Variants in CSN2 observed in about 807,000 individuals in gnomAD.
The protein encoded by CSN2 is casein beta, also known as beta-casein.
A neutral mutation model predicts 27.3 loss-of-function variants in CSN2; 27 were observed. The ratio of observed to expected loss-of-function variants is 0.99; its 90% CI spans 0.73 to 1.36. CSN2 has a LOEUF of 1.36. CSN2 is among the 40% of genes most tolerant of loss of function. The pLI, the probability that CSN2 is intolerant of heterozygous loss-of-function variation, is 0.00. For missense variants in CSN2, 333 were observed against 264.5 expected, an observed-to-expected ratio of 1.26 and a Z score of -1.80; for synonymous variants, 131 against 94.8, an observed-to-expected ratio of 1.38 and a Z score of -2.22.
intron 5 of CSN2, among the ~76,000 whole-genome samples, chr4:69,958,309 C>A (rs2109742998): frequency 6.6e-6 from 1 of 152,198 alleles, no homozygotes; most frequent in African/African-American, 2.4e-5. Flanking sequence ...TTAACACCGG[C>A]CAAATTCTTA....
At chr4:69,961,440 A>G (rs1331505021) in intron 1 of CSN2, among the ~76,000 whole-genome samples, 2 of 152,228 alleles carry the variant, frequency 1.3e-5, no homozygotes, top group Non-Finnish European at 2.9e-5. Context: ...ACGAAAATCA[A>G]TAAATGTAAT....
Position 69,957,452 on chromosome 4 carries a change from T to G in CSN2, c.497A>C (p.Gln166Pro). 1 of 1,613,572 alleles carries G rather than the reference T, an allele frequency of 6.2e-7. No homozygotes were observed. The highest frequency in any genetic ancestry group is 8.5e-7 in the Non-Finnish European group (1 of 1,179,900). Residue 166 changes from glutamine (Q) to proline (P), a missense_variant, in exon 6 of 8, where the codon CAG becomes CCG. Physicochemically the swap from Gln to Pro is moderately conservative, Grantham distance 76. Transcript: ENST00000353151. ...GGGCTGAGGAACAGACCACAGGGGC[T>G]GAGGGGGAAGTGCAAGAGTCTGAGG... ...PIPQTLALPP[Q>P]PLWSVPQPKV...
At chr4:69,960,871 G>T in intron 2 of CSN2, 74 bp downstream of exon 2, 2 of 1,137,042 alleles carry the variant, frequency 1.8e-6, no homozygotes, top group Non-Finnish European at 2.7e-6. Context: ...AAATGTTGGT[G>T]ATGTTATTCT....
chr4:69,958,656 GA>G (rs935390687), intron 5 of CSN2, among the ~76,000 whole-genome samples: 3 of 151,922 alleles, frequency 2.0e-5, no homozygotes, highest in Non-Finnish European at 4.4e-5. Context: ...TGTACTTGTT[GA>G]AAACAGATAT....
intron 2 of CSN2, 124 bp downstream of exon 2, chr4:69,960,821 A>G (rs1242155579): frequency 2.2e-5 from 17 of 773,048 alleles, no homozygotes; most frequent in Non-Finnish European, 3.6e-5. Flanking sequence ...ATAGAAGCCA[A>G]GAGAATTCTC....
chr4:69,957,506 G>A lies in CSN2; in HGVS notation c.443C>T (p.Pro148Leu), dbSNP rs1425481948. Residue 148 changes from proline (P) to leucine (L), a missense_variant, in exon 6 of 8, where the codon CCC (proline) becomes CTC (leucine). By Grantham distance (98) the Pro-to-Leu change is moderately conservative. Transcript: ENST00000353151. ...NLHLPLPLLQ[P>L]LMQQVPQPIP... ...AGGCTGAGGGACCTGCTGCATCAAG[G>A]GCTGGAGCAGAGGCAGAGGAAGATG... The A allele has an allele frequency of 1.9e-6, 3 of 1,613,916 alleles. No individual in the cohort carries two copies. The highest frequency in any genetic ancestry group is 1.3e-5 in the African/African-American group (1 of 75,012).
Position 69,959,082 on chromosome 4 carries a change from A to G in CSN2, c.79-13T>C, listed in dbSNP as rs1393625195. On this transcript the variant is annotated splice_polypyrimidine_tract_variant and intron_variant, in intron 3 of 7. Coordinates refer to ENST00000353151, the MANE Select transcript of CSN2 (RefSeq NM_001891.4). ...CTGTAATAGATTCCTACAGAAAAAT[A>G]TAAAATAAAATTAGGTTTAGTTTTA... 3.0e-6 allele frequency: 4 copies of G among 1,319,708 alleles called. No individual in the cohort carries two copies. Among genetic ancestry groups the G allele is most frequent in the Non-Finnish European group, 4.2e-6 (4 of 954,730 alleles). 81.7% of individuals were successfully genotyped at this position (1,319,708 alleles called of 1,614,324 possible).
rs1398717497 is a variant in CSN2 at position 69,963,218 on chromosome 4, T to C, written c.-12-2211A>G. 3.3e-5 allele frequency among the ~76,000 whole-genome samples: 5 copies of C among 152,158 alleles called. No individual in the cohort carries two copies. The East Asian group carries it at 7.7e-4, about 24-fold the overall frequency. On this transcript the variant is annotated intron_variant, in intron 1 of 7. Transcript: ENST00000353151. ...CTAGAGCTAGGAATACCATTTGACC[T>C]AGCCATCCCATTACTGGGTATATAC... is the stretch of plus-strand genomic sequence containing the variant.
chr4:69,957,576 A>G lies in CSN2; in HGVS notation c.373T>C (p.Phe125Leu), dbSNP rs757093924. The change falls in exon 6 of 8, where the codon TTT (phenylalanine) becomes CTT (leucine). Residue 125 changes from phenylalanine (F) to leucine (L), a missense_variant. Phe to Leu is a conservative substitution (Grantham distance 22, BLOSUM62 0). Coordinates refer to ENST00000353151, the MANE Select transcript of CSN2 (RefSeq NM_001891.4). ...AGTTTTGGGATTTGAGGGTCAAAAA[A>G]GGGTATCGTTGGAGATTTAAGGACA... is the stretch of plus-strand genomic sequence containing the variant. ...MPVLKSPTIPFFDPQIPKLTD... is the reference protein window; with the variant it reads ...MPVLKSPTIPLFDPQIPKLTD... 6.2e-7 allele frequency: 1 copy of G among 1,613,980 alleles called. No individual in the cohort carries two copies. Among genetic ancestry groups the G allele is most frequent in the Non-Finnish European group, 8.5e-7 (1 of 1,179,998 alleles).
intron 3 of CSN2, among the ~76,000 whole-genome samples, chr4:69,959,552 C>G (rs1054559410): frequency 1.3e-5 from 2 of 152,026 alleles, no homozygotes; most frequent in Non-Finnish European, 2.9e-5. Context: ...GAATAAATAT[C>G]TACCTGACTC....
intron 5 of CSN2, 71 bp from the exon 6 acceptor site, chr4:69,957,875 C>A: frequency 7.6e-7 from 1 of 1,307,814 alleles, no homozygotes; most frequent in Admixed American, 2.1e-5. Context: ...GAATTCATTT[C>A]TCTCTTTTAG....
rs1269557059 is a variant in CSN2, at chr4:69,961,000, A to G, written c.-5T>C. ...GGCGAGGATGAGGACCTTCATGGCT[A>G]CTAAGTCCTGTGAATGTAGAAAAAA... On this transcript the variant is annotated 5_prime_UTR_variant, in exon 2 of 8. Transcript: ENST00000353151. 1.2e-6 allele frequency: 2 copies of G among 1,611,856 alleles called. No homozygotes were observed. The highest frequency in any genetic ancestry group is 4.5e-5 in the East Asian group (2 of 44,840).
intron 1 of CSN2, among the ~76,000 whole-genome samples, chr4:69,964,401 A>G (rs776864): frequency 0.49 from 74,988 of 151,772 alleles, 19,711 homozygotes; most frequent in African/African-American, 0.69. Context: ...AATATTACTC[A>G]CCACTCAAAT....
intron 1 of CSN2, among the ~76,000 whole-genome samples, chr4:69,964,062 C>T (rs1044303459): frequency 3.3e-5 from 5 of 152,122 alleles, no homozygotes; most frequent in Non-Finnish European, 5.9e-5. Context: ...ATTTGTGTCA[C>T]TATCCAGAGA....
rs371349110 is a variant in CSN2 at position 69,961,450 on chromosome 4, T to C, written c.-12-443A>G. Among the ~76,000 whole-genome samples the C allele has an allele frequency of 3.9e-5, 6 of 152,272 alleles. No homozygotes were observed. In the South Asian group the frequency reaches 6.2e-4, roughly 16 times the overall value. ...AACATACGAAAATCAATAAATGTAA[T>C]CCAGCATATAAACAAAACCAAAGAC... On this transcript the variant is annotated intron_variant, in intron 1 of 7. Transcript: ENST00000353151.
intron 3 of CSN2, 109 bp from the exon 4 acceptor site, chr4:69,959,178 T>A: frequency 1.2e-6 from 1 of 843,392 alleles, no homozygotes; most frequent in Non-Finnish European, 1.8e-6. Context: ...TTAATAACTT[T>A]GTATAATCAT....
At chr4:69,963,650 T>G (rs1168264017) in intron 1 of CSN2, among the ~76,000 whole-genome samples, 1 of 152,162 alleles carries the variant, frequency 6.6e-6, no homozygotes, top group Non-Finnish European at 1.5e-5. Context: ...GACGTGTTAA[T>G]GGGTGCAGCA....
rs1716658378 is a variant in CSN2, at chr4:69,955,360, T to C, written c.*269A>G. Reference sequence around the variant, plus strand: ...ACAATTTGTATACATATGTTTGATATGTTTGTAGCATTTCCAAATGAGTAT... The same window carrying C: ...ACAATTTGTATACATATGTTTGATACGTTTGTAGCATTTCCAAATGAGTAT... On this transcript the variant is annotated 3_prime_UTR_variant, in exon 8 of 8. Transcript: ENST00000353151. 6.6e-6 allele frequency: 1 copy of C among 152,638 alleles called. No homozygotes were observed. Among genetic ancestry groups the C allele is most frequent in the South Asian group, 2.1e-4 (1 of 4,828 alleles). The allele number at this position is 152,638 out of a possible 1,614,324, so 9.5% of individuals were successfully genotyped here. A position where few individuals can be genotyped will look rare whatever the true frequency, so the allele number is the denominator to read the frequency against.
intron 1 of CSN2, among the ~76,000 whole-genome samples, chr4:69,964,688 T>G (rs1723737971): frequency 6.6e-6 from 1 of 150,976 alleles, no homozygotes; most frequent in African/African-American, 2.4e-5. Context: ...TAATTACACA[T>G]AGGGAAGATC....
Sources: gnomAD v4.1 joint callset for allele counts (sites outside exome capture counted in the v4.1 genomes callset) on GRCh38, gnomAD v4.1.1 for gene constraint, MANE v1.5 for transcripts, NCBI Gene and HGNC (gene_info 2026-07-23, HGNC 2026-07-21) for gene names.